Variants in BMAL1 observed in about 807,000 individuals in gnomAD.
BMAL1 encodes basic helix-loop-helix ARNT-like protein 1.
chr11:13,336,274 A>G, the BMAL1 span, among the ~76,000 whole-genome samples: 81 of 152,016 alleles, frequency 5.3e-4, no homozygotes, highest in African/African-American at 1.6e-3. Context: ...TGCAATCTCT[A>G]TTTTTTTCAC....
the BMAL1 span, among the ~76,000 whole-genome samples, chr11:13,384,294 TTAA>T: frequency 2.0e-5 from 3 of 152,214 alleles, no homozygotes; most frequent in African/African-American, 7.2e-5. Flanking sequence ...ATAGGGAGTA[TTAA>T]TAATAGTGAT....
At chr11:13,375,728 G>A in the BMAL1 span, 1 of 1,596,382 alleles carries the variant, frequency 6.3e-7, no homozygotes, top group Non-Finnish European at 8.5e-7. Flanking sequence ...GACCAAGGAA[G>A]TAGAATATAT....
the BMAL1 span, among the ~76,000 whole-genome samples, chr11:13,356,017 G>T: frequency 6.6e-6 from 1 of 152,152 alleles, no homozygotes; most frequent in South Asian, 2.1e-4. Flanking sequence ...TCCTTCCTCT[G>T]GGGATTTCAG....
chr11:13,376,487 C>T, the BMAL1 span: 1 of 763,906 alleles, frequency 1.3e-6, no homozygotes, highest in East Asian at 2.5e-5. Flanking sequence ...ATTATATTAT[C>T]AAACAGTGAG....
At chr11:13,366,368 C>A in the BMAL1 span, among the ~76,000 whole-genome samples, 2 of 152,162 alleles carry the variant, frequency 1.3e-5, no homozygotes, top group African/African-American at 4.8e-5. Flanking sequence ...AGAGCCCACC[C>A]CTATCTTCTG....
chr11:13,307,583 G>A, the BMAL1 span, among the ~76,000 whole-genome samples: 1 of 152,186 alleles, frequency 6.6e-6, no homozygotes, highest in Non-Finnish European at 1.5e-5. Context: ...GTCTCTGGAG[G>A]GCTAGCCTTA....
the BMAL1 span, among the ~76,000 whole-genome samples, chr11:13,336,011 G>A: frequency 6.6e-6 from 1 of 152,208 alleles, no homozygotes; most frequent in Admixed American, 6.5e-5. Context: ...GAGAGAGAGT[G>A]TGTGTGCGTG....
At chr11:13,311,974 G>A in the BMAL1 span, among the ~76,000 whole-genome samples, 454 of 152,322 alleles carry the variant, frequency 3.0e-3, 1 homozygote, top group African/African-American at 0.01. Context: ...AATTCCTCCA[G>A]TCATGATTTA....
At chr11:13,340,816 CA>C in the BMAL1 span, among the ~76,000 whole-genome samples, 1 of 152,196 alleles carries the variant, frequency 6.6e-6, no homozygotes, top group Non-Finnish European at 1.5e-5. Flanking sequence ...TTTCAACCAG[CA>C]CAAGGCCATC....
the BMAL1 span, among the ~76,000 whole-genome samples, chr11:13,278,692 G>A: frequency 6.6e-6 from 1 of 152,236 alleles, no homozygotes; most frequent in African/African-American, 2.4e-5. Flanking sequence ...TCTGCGGGCA[G>A]GTGCGCGTCG....
At chr11:13,284,651 T>A in the BMAL1 span, among the ~76,000 whole-genome samples, 1 of 152,026 alleles carries the variant, frequency 6.6e-6, no homozygotes. Context: ...CCTTCGCATC[T>A]TGCTCACTTG....
At chr11:13,300,030 A>C in the BMAL1 span, among the ~76,000 whole-genome samples, 5 of 152,204 alleles carry the variant, frequency 3.3e-5, no homozygotes, top group Middle Eastern at 3.4e-3. Flanking sequence ...CCCATTCCTC[A>C]TGGCTGTTTG....
the BMAL1 span, chr11:13,378,314 ACT>A: frequency 6.3e-7 from 1 of 1,576,490 alleles, no homozygotes; most frequent in Admixed American, 2.0e-5. Flanking sequence ...CCCCTTTCCT[ACT>A]CTCAGATTCC....
chr11:13,288,936 A>G, the BMAL1 span, among the ~76,000 whole-genome samples: 1 of 152,214 alleles, frequency 6.6e-6, no homozygotes, highest in South Asian at 2.1e-4. Flanking sequence ...AGAAAGTGCC[A>G]CTATGGAAGT....
the BMAL1 span, among the ~76,000 whole-genome samples, chr11:13,326,245 G>A: frequency 6.6e-6 from 1 of 151,488 alleles, no homozygotes; most frequent in African/African-American, 2.4e-5. Flanking sequence ...ATCTGTTACA[G>A]ACTGAACTAT....
the BMAL1 span, among the ~76,000 whole-genome samples, chr11:13,294,198 T>G: frequency 6.6e-6 from 1 of 152,228 alleles, no homozygotes; most frequent in African/African-American, 2.4e-5. Flanking sequence ...AAAGAACTTC[T>G]TTCTTGGAAC....
At chr11:13,377,122 C>T in the BMAL1 span, among the ~76,000 whole-genome samples, 9 of 152,298 alleles carry the variant, frequency 5.9e-5, no homozygotes, top group African/African-American at 2.2e-4. Flanking sequence ...ACCCACTGGG[C>T]TCCCTTCTCA....
At chr11:13,311,163 C>T in the BMAL1 span, among the ~76,000 whole-genome samples, 1 of 152,170 alleles carries the variant, frequency 6.6e-6, no homozygotes, top group Non-Finnish European at 1.5e-5. Flanking sequence ...TTCAAGATAA[C>T]AGTGGTTCAT....
chr11:13,317,651 CTAAA>C, the BMAL1 span, among the ~76,000 whole-genome samples: 1 of 152,174 alleles, frequency 6.6e-6, no homozygotes, highest in African/African-American at 2.4e-5. Context: ...CCTTGTATAG[CTAAA>C]TAAATATAAA....
Sources: allele counts gnomAD v4.1 joint callset (sites outside exome capture counted in the v4.1 genomes callset), GRCh38; gene constraint gnomAD v4.1.1; transcripts MANE v1.5; gene names NCBI Gene and HGNC (gene_info 2026-07-23, HGNC 2026-07-21).